BLTP1: variants seen among roughly 807,000 people sequenced by gnomAD.
The protein encoded by BLTP1 is bridge-like lipid transfer protein family member 1.
chr4:122,276,385 G>A, the BLTP1 span: 3 of 880,524 alleles, frequency 3.4e-6, no homozygotes, highest in East Asian at 1.2e-4. Context: ...TTCACTAATT[G>A]TAGAAATAAT....
the BLTP1 span, chr4:122,304,794 C>G: frequency 1.6e-5 from 26 of 1,612,528 alleles, no homozygotes; most frequent in Non-Finnish European, 2.1e-5. Flanking sequence ...ATATAATCTG[C>G]TAGGGTATTC....
chr4:122,158,619 A>C, the BLTP1 span, among the ~76,000 whole-genome samples: 2 of 152,078 alleles, frequency 1.3e-5, no homozygotes, highest in Non-Finnish European at 2.9e-5. Flanking sequence ...TATAAAAACA[A>C]AATTAGCCGG....
At chr4:122,176,874 C>T in the BLTP1 span, among the ~76,000 whole-genome samples, 5 of 152,212 alleles carry the variant, frequency 3.3e-5, no homozygotes, top group Non-Finnish European at 5.9e-5. Context: ...TCAAGCACTT[C>T]ATCACCTTTA....
chr4:122,230,620 C>T, the BLTP1 span, among the ~76,000 whole-genome samples: 2 of 152,180 alleles, frequency 1.3e-5, no homozygotes, highest in East Asian at 3.9e-4. Context: ...CTTTTATGGG[C>T]CTTCAGAACT....
the BLTP1 span, among the ~76,000 whole-genome samples, chr4:122,179,654 A>G: frequency 0.029 from 4,361 of 152,312 alleles, 113 homozygotes; most frequent in East Asian, 0.14. Context: ...CCCATAGAAC[A>G]GAAACACAGG....
At chr4:122,223,079 A>G in the BLTP1 span, 4 of 857,636 alleles carry the variant, frequency 4.7e-6, no homozygotes, top group African/African-American at 5.5e-5. Context: ...AAAAAAGGTA[A>G]GGAAATTAAT....
the BLTP1 span, chr4:122,281,799 C>T: frequency 6.8e-7 from 1 of 1,461,450 alleles, no homozygotes; most frequent in Non-Finnish European, 9.1e-7. Context: ...TGAATTCACT[C>T]TCTTAAAATT....
the BLTP1 span, among the ~76,000 whole-genome samples, chr4:122,332,721 G>A: frequency 6.3e-5 from 9 of 141,770 alleles, no homozygotes; most frequent in African/African-American, 2.4e-4. Flanking sequence ...ATGCTGGTGT[G>A]CTGCACCCAC....
chr4:122,221,709 C>A, the BLTP1 span: 1 of 711,954 alleles, frequency 1.4e-6, no homozygotes, highest in Non-Finnish European at 1.7e-6. Flanking sequence ...CTATAATTAG[C>A]AGGTCATTAG....
At chr4:122,260,054 T>A in the BLTP1 span, 5 of 335,126 alleles carry the variant, frequency 1.5e-5, no homozygotes, top group Admixed American at 3.2e-4. Flanking sequence ...TGTCATTGTG[T>A]AAACATCATA....
chr4:122,347,811 T>G, the BLTP1 span: 22 of 1,504,360 alleles, frequency 1.5e-5, 1 homozygote, highest in Non-Finnish European at 1.8e-5. Context: ...TCAGTAGCCC[T>G]ACAGTGTTCT....
chr4:122,349,032 G>A, the BLTP1 span: 1 of 743,284 alleles, frequency 1.3e-6, no homozygotes, highest in South Asian at 2.8e-5. This position sits in a 1 kb window ranked among gnomAD's most constrained non-coding sequence, Gnocchi z 4.5. Flanking sequence ...TTTATATAAA[G>A]TATGTTGTTT....
At chr4:122,336,298 T>C in the BLTP1 span, 2 of 1,612,474 alleles carry the variant, frequency 1.2e-6, no homozygotes, top group East Asian at 4.5e-5. Context: ...TATTAGACTT[T>C]CTGGAAAAAG....
At chr4:122,277,711 G>A in the BLTP1 span, 1 of 983,564 alleles carries the variant, frequency 1.0e-6, no homozygotes, top group South Asian at 4.7e-5. Flanking sequence ...GAAAATGCAA[G>A]TTACACTTCC....
chr4:122,333,941 T>C, the BLTP1 span: 42 of 1,129,494 alleles, frequency 3.7e-5, no homozygotes, highest in Non-Finnish European at 4.9e-5. Context: ...TATAGCCATA[T>C]TCTGGACAGA....
the BLTP1 span, chr4:122,337,091 A>T: frequency 2.9e-6 from 4 of 1,364,104 alleles, no homozygotes; most frequent in South Asian, 5.0e-5. Flanking sequence ...GAACATTTCA[A>T]CATTATTACT....
chr4:122,248,124 AT>A, the BLTP1 span: 1 of 984,934 alleles, frequency 1.0e-6, no homozygotes, highest in Non-Finnish European at 1.2e-6. Flanking sequence ...CTCAAGGCTT[AT>A]TTTTTTCATC....
At chr4:122,315,311 A>C in the BLTP1 span, 3 of 1,024,230 alleles carry the variant, frequency 2.9e-6, no homozygotes, top group Admixed American at 7.3e-5. Flanking sequence ...CACACTGTAC[A>C]CATAGAGAAA....
the BLTP1 span, among the ~76,000 whole-genome samples, chr4:122,228,023 C>T: frequency 1.3e-5 from 2 of 151,774 alleles, no homozygotes; most frequent in African/African-American, 2.4e-5. Flanking sequence ...ATGCCACTCT[C>T]TTGCCTCAGC....
Sources: gnomAD v4.1 joint callset for allele counts (sites outside exome capture counted in the v4.1 genomes callset) on GRCh38, gnomAD v4.1.1 for gene constraint, Gnocchi (gnomAD v3.1) non-coding constraint, MANE v1.5 for transcripts, NCBI Gene and HGNC (gene_info 2026-07-23, HGNC 2026-07-21) for gene names.